ITGA11: variants seen among roughly 807,000 people sequenced by gnomAD.
ITGA11 encodes the protein integrin subunit alpha 11.
Under a neutral mutation model 141.9 loss-of-function variants are expected in ITGA11, and 97 were observed. The observed-to-expected ratio is 0.68, with a 90% CI of 0.58 to 0.81. The LOEUF (loss-of-function observed/expected upper bound fraction) is 0.81. ITGA11 is among the 30% of genes least tolerant of loss of function. The probability of loss-of-function intolerance (pLI) is 0.00; values close to 1 mark genes in which losing one functional copy is unlikely to be tolerated. For synonymous variants in ITGA11, 658 were observed against 624.6 expected (o/e 1.05, Z -0.80); for missense variants, 1,387 against 1,559.2 (o/e 0.89, Z 1.86).
intron 2 of ITGA11, among the ~76,000 whole-genome samples, chr15:68,397,230 T>A: frequency 0.25 from 1 of 4 alleles, no homozygotes; most frequent in Non-Finnish European, 0.5. Context: ...ATATATTATA[T>A]ATTATGTATT....
chr15:68,309,636 C>T (rs1430092844), intron 26 of ITGA11, among the ~76,000 whole-genome samples: 1 of 144,922 alleles, frequency 6.9e-6, no homozygotes, highest in African/African-American at 2.6e-5. Flanking sequence ...GCTCTGTTGC[C>T]CAGGCTGGAG....
In ITGA11 at chr15:68,361,621, C is replaced by T. The variant is rs367667569; in HGVS notation, c.441G>A (p.Arg147=). Reference sequence around the variant, plus strand: ...GAGCTGGGGCCACGGTCTTGGAGAACCTGAAGTTGGAGTTGACTCTTGAAC... The same window carrying T: ...GAGCTGGGGCCACGGTCTTGGAGAATCTGAAGTTGGAGTTGACTCTTGAAC... The part of the protein sequence containing the change: ...GMCSRVNSNF[R]FSKTVAPALQ... Residue 147 remains arginine, a synonymous_variant, in exon 5 of 30, where the codon AGG becomes AGA. Transcript: ENST00000315757. 5 of 1,609,424 alleles carry T rather than the reference C, an allele frequency of 3.1e-6. No individual in the cohort carries two copies. The highest frequency in any genetic ancestry group is 1.3e-5 in the African/African-American group (1 of 74,842).
At position 68,307,503 on chromosome 15, in the gene ITGA11, C is replaced by A. The variant is rs184048714; in HGVS notation, c.3286-60G>T. On this transcript the variant is annotated intron_variant, in intron 27 of 29. Coordinates refer to ENST00000315757, the MANE Select transcript of ITGA11 (RefSeq NM_001004439.2). The surrounding 1 kb of genome is among the most constrained non-coding windows in gnomAD (Gnocchi z 6.1). Reference sequence around the variant, plus strand: ...GGAAGCTTTTCTTCCCGTCCCCTCCCCAGGCAGCCCCAGGTGGAAGACATC... The same window carrying A: ...GGAAGCTTTTCTTCCCGTCCCCTCCACAGGCAGCCCCAGGTGGAAGACATC... 1.9e-5 allele frequency: 29 copies of A among 1,511,952 alleles called. No individual in the cohort carries two copies. In the East Asian group the frequency reaches 6.5e-4, roughly 34 times the overall value. The allele number at this position is 1,511,952 out of a possible 1,614,324, so 93.7% of individuals were successfully genotyped here.
rs563877716 is a variant in ITGA11 at position 68,308,815 on chromosome 15, C to T, written c.3175-1119G>A. ...TAGAGGACACTGAAGATGGAGCTTG[C>T]AGCAGCAGATCATTCATATCAATTT... is the stretch of plus-strand genomic sequence containing the variant. On this transcript the variant is annotated intron_variant, in intron 26 of 29. Coordinates refer to ENST00000315757, the MANE Select transcript of ITGA11 (RefSeq NM_001004439.2). This position sits in a 1 kb window ranked among gnomAD's most constrained non-coding sequence, Gnocchi z 5.2. 2.3e-4 allele frequency among the ~76,000 whole-genome samples: 35 copies of T among 151,772 alleles called. No homozygotes were observed. Among genetic ancestry groups the T allele is most frequent in the African/African-American group, 8.5e-4 (35 of 41,256 alleles).
At position 68,341,016 on chromosome 15, in the gene ITGA11, G is replaced by A. The variant is rs183705572; in HGVS notation, c.1132-1372C>T. On this transcript the variant is annotated intron_variant, in intron 10 of 29. Transcript: ENST00000315757. The stretch of plus-strand genomic sequence containing the variant: ...CTCCCACGGAGCCTTCCCTGAGCCC[G>A]GCTGCCTGGCTGCCTGGGTGAGCTT... Among the ~76,000 whole-genome samples, 6 of 152,258 alleles carry A rather than the reference G, an allele frequency of 3.9e-5. No homozygotes were observed. In the East Asian group the frequency reaches 7.7e-4, roughly 20 times the overall value.
At chr15:68,365,249 C>T (rs1407123240) in intron 3 of ITGA11, 3 of 985,318 alleles carry the variant, frequency 3.0e-6, no homozygotes, top group Non-Finnish European at 3.6e-6. Flanking sequence ...GTGCCCACTT[C>T]TCTGCTCATC....
chr15:68,425,276 C>T (rs1897117393), intron 1 of ITGA11, among the ~76,000 whole-genome samples: 1 of 152,222 alleles, frequency 6.6e-6, no homozygotes, highest in Non-Finnish European at 1.5e-5. Context: ...AAAGGCCCTG[C>T]ACTTGGTGAA....
At position 68,320,292 on chromosome 15, in the gene ITGA11, G is replaced by A. The variant is rs781751132; in HGVS notation, c.2509C>T (p.Arg837Ter). ...TCCAGTGTGGCCTCCACCGCCACTC[G>A]CTGGCGTGTGCTCTCTATGATGAAG... ...TVFIIESTRQRVAVEATLENR... is the reference protein window; with the variant it reads ...TVFIIESTRQ The change falls in exon 20 of 30, where the codon CGA becomes TGA. Residue 837 changes from arginine to a stop codon, truncating the protein, a stop_gained. Transcript: ENST00000315757. LOFTEE classifies it high-confidence loss of function. 8 of 1,613,932 alleles carry A rather than the reference G, an allele frequency of 5.0e-6. No individual in the cohort carries two copies. Among genetic ancestry groups the A allele is most frequent in the South Asian group, 4.4e-5 (4 of 91,066 alleles).
intron 10 of ITGA11, among the ~76,000 whole-genome samples, chr15:68,345,450 T>A (rs1376144232): frequency 6.6e-6 from 1 of 152,180 alleles, no homozygotes; most frequent in Non-Finnish European, 1.5e-5. Flanking sequence ...GTCTCCCCTG[T>A]ACCCTGGGCT....
intron 1 of ITGA11, among the ~76,000 whole-genome samples, chr15:68,418,686 C>T (rs1896948296): frequency 2.0e-5 from 3 of 151,636 alleles, no homozygotes; most frequent in Admixed American, 1.3e-4. Flanking sequence ...GCGGCCCTGC[C>T]CACACTGATT....
chr15:68,311,199 G>T, intron 25 of ITGA11, 91 bp downstream of exon 25: 2 of 1,260,332 alleles, frequency 1.6e-6, no homozygotes, highest in Non-Finnish European at 2.3e-6. Flanking sequence ...GGAGAAGGGA[G>T]CTGGGGTCTG....
rs190130089 is a variant in ITGA11, at chr15:68,335,643, G to T, written c.1425+54C>A. 3.8e-5 allele frequency: 61 copies of T among 1,590,402 alleles called. No individual in the cohort carries two copies. In the African/African-American group the frequency reaches 7.9e-4, roughly 21 times the overall value. On this transcript the variant is annotated intron_variant, in intron 12 of 29. Coordinates refer to ENST00000315757, the MANE Select transcript of ITGA11 (RefSeq NM_001004439.2). The surrounding 1 kb of genome is among the most constrained non-coding windows in gnomAD (Gnocchi z 4.9). The stretch of plus-strand genomic sequence containing the variant: ...GCCTGTATTTACTGCCCTCCCATTT[G>T]TCTGATCTGCCCCCTCTTCCCTCCA...
chr15:68,407,385 G>T (rs1896673603), intron 1 of ITGA11, among the ~76,000 whole-genome samples: 1 of 152,188 alleles, frequency 6.6e-6, no homozygotes, highest in African/African-American at 2.4e-5. Context: ...GAACCAACCA[G>T]AGAGTGGATT....
chr15:68,420,959 C>G (rs899511754), intron 1 of ITGA11, among the ~76,000 whole-genome samples: 5 of 152,154 alleles, frequency 3.3e-5, no homozygotes, highest in East Asian at 3.9e-4. Flanking sequence ...TAGGTAGGAG[C>G]CCGAGGCAAG....
chr15:68,343,304 T>G (rs1894632231), intron 10 of ITGA11, among the ~76,000 whole-genome samples: 1 of 152,118 alleles, frequency 6.6e-6, no homozygotes, highest in Admixed American at 6.5e-5. Flanking sequence ...GGTGAACAAC[T>G]GAGAAGAGGG....
chr15:68,419,049 CCTTCT>C (rs1354598009), intron 1 of ITGA11, among the ~76,000 whole-genome samples: 1 of 152,074 alleles, frequency 6.6e-6, no homozygotes, highest in Non-Finnish European at 1.5e-5. Context: ...GGGGCCCTTC[CCTTCT>C]AAGCCTGCAG....
At chr15:68,346,909 G>A (rs936311272) in intron 10 of ITGA11, among the ~76,000 whole-genome samples, 11 of 152,146 alleles carry the variant, frequency 7.2e-5, no homozygotes, top group Admixed American at 3.9e-4. Flanking sequence ...GGGGATCTTC[G>A]GATGAGGGGG....
At chr15:68,329,110 T>C (rs4777039) in intron 15 of ITGA11, among the ~76,000 whole-genome samples, 100,104 of 152,152 alleles carry the variant, frequency 0.66, 36,718 homozygotes, top group South Asian at 0.84. Flanking sequence ...GAACAGCACC[T>C]CTGCACTGTA....
intron 2 of ITGA11, among the ~76,000 whole-genome samples, chr15:68,386,416 G>C (rs749699829): frequency 1.3e-5 from 2 of 152,170 alleles, no homozygotes; most frequent in African/African-American, 4.8e-5. Context: ...GCCACACAGT[G>C]CAGAGTTAAG....
Sources: allele counts gnomAD v4.1 joint callset (sites outside exome capture counted in the v4.1 genomes callset), GRCh38; gene constraint gnomAD v4.1.1; non-coding constraint Gnocchi (gnomAD v3.1); transcripts MANE v1.5; gene names NCBI Gene and HGNC (gene_info 2026-07-23, HGNC 2026-07-21).